Variants in MATR3 observed in about 807,000 individuals in gnomAD.
The protein encoded by MATR3 is matrin 3, also known as matrin-3.
MATR3 carries 4 observed loss-of-function variants against 85.5 expected under a neutral mutation model. The observed-to-expected ratio is 0.05, with a 90% confidence interval of 0.02 to 0.11. The LOEUF (loss-of-function observed/expected upper bound fraction) is 0.11. Among genes scored for constraint, MATR3 ranks in the 10% least tolerant of loss-of-function variants. The pLI, the probability that MATR3 is intolerant of heterozygous loss-of-function variation, is 1.00. For synonymous variants in MATR3, 336 were observed against 343.1 expected (o/e 0.98, Z 0.23); for missense variants, 685 against 1,016.1 (o/e 0.67, Z 4.43).
intron 4 of MATR3, 102 bp from the exon 5 acceptor site, chr5:139,315,974 A>C: frequency 3.3e-6 from 3 of 908,558 alleles, no homozygotes. Flanking sequence ...TGAAAGATTG[A>C]AGTGGTTGTG....
chr5:139,316,338 T>G lies in MATR3; in HGVS notation c.1129+150T>G, dbSNP rs184248426. The G allele has an allele frequency of 7.5e-5, 49 of 654,938 alleles. No homozygotes were observed. The African/African-American group carries it at 8.7e-4, about 12-fold the overall frequency. The allele number at this position is 654,938 out of a possible 1,614,324, so 40.6% of individuals were successfully genotyped here. A position where few individuals can be genotyped will look rare whatever the true frequency, so the allele number is the denominator to read the frequency against. On this transcript the variant is annotated intron_variant, in intron 5 of 14. Coordinates refer to ENST00000394805, the MANE Select transcript of MATR3 (RefSeq NM_018834.6). Reference sequence around the variant, plus strand: ...TCGACTCACTGCAACCTCTGCCTCCTGGGTGCAAGCAGTTCTCCTGCTTCA... The same window carrying G: ...TCGACTCACTGCAACCTCTGCCTCCGGGGTGCAAGCAGTTCTCCTGCTTCA...
At chr5:139,291,008 T>C (rs934819850), upstream of MATR3, among the ~76,000 whole-genome samples, 3 of 152,164 alleles carry the variant, frequency 2.0e-5, no homozygotes, top group Admixed American at 6.5e-5. Context: ...TTAATGTCTA[T>C]GCACAGGAGG....
chr5:139,316,954 C>T (rs996234405), intron 5 of MATR3, 99 bp from the exon 6 acceptor site: 46 of 892,982 alleles, frequency 5.2e-5, no homozygotes, highest in Non-Finnish European at 7.9e-5. Context: ...TTTGTAAGAG[C>T]TTTTCATTTG....
At chr5:139,291,727 C>T (rs1409082725), upstream of MATR3, among the ~76,000 whole-genome samples, 2 of 151,962 alleles carry the variant, frequency 1.3e-5, no homozygotes, top group African/African-American at 4.8e-5. Flanking sequence ...CGAGTAGAGA[C>T]GGGGTTTCTC....
At chr5:139,324,850 A>G (rs1055785872) in intron 12 of MATR3, among the ~76,000 whole-genome samples, 14 of 152,090 alleles carry the variant, frequency 9.2e-5, no homozygotes, top group African/African-American at 3.1e-4. Context: ...AATTATCAGT[A>G]ATTTTTTGGA....
chr5:139,299,735 A>G (rs201091790), intron 1 of MATR3: 1 of 152,206 alleles, frequency 6.6e-6, no homozygotes, highest in East Asian at 1.9e-4. Context: ...AGAGTGTGAA[A>G]TGAGTGATGT....
At chr5:139,329,012 A>G (rs1755996714) in intron 14 of MATR3, among the ~76,000 whole-genome samples, 1 of 152,176 alleles carries the variant, frequency 6.6e-6, no homozygotes, top group Non-Finnish European at 1.5e-5. Context: ...CTCAAAAAAA[A>G]AAGAATAAAA....
At chr5:139,318,771 A>G (rs1485863514) in intron 7 of MATR3, 137 bp from the exon 8 acceptor site, 10 of 835,426 alleles carry the variant, frequency 1.2e-5, no homozygotes, top group Non-Finnish European at 1.7e-5. Flanking sequence ...TTGATTCTTG[A>G]AAGTATTTTC....
chr5:139,319,239 A>G (rs902627470), intron 8 of MATR3, 95 bp from the exon 9 acceptor site: 6 of 1,401,274 alleles, frequency 4.3e-6, no homozygotes, highest in African/African-American at 4.3e-5. Flanking sequence ...CCTCGTCTCT[A>G]TAAAAATAAA....
In MATR3 at chr5:139,330,304, T is replaced by C; in HGVS notation, c.*909T>C. The C allele has an allele frequency of 2.2e-6, 1 of 453,766 alleles. No homozygotes were observed. Among genetic ancestry groups the C allele is most frequent in the Non-Finnish European group, 4.4e-6 (1 of 226,454 alleles). The allele number at this position is 453,766 out of a possible 1,614,324, so 28.1% of individuals were successfully genotyped here. A position where few individuals can be genotyped will look rare whatever the true frequency, so the allele number is the denominator to read the frequency against. ...TGACCTTTGTGAACAGAAATTTGCA[T>C]GTATAATTTGTGTTTACTTGTAACT... On this transcript the variant is annotated 3_prime_UTR_variant, in exon 15 of 15. Coordinates refer to ENST00000394805, the MANE Select transcript of MATR3 (RefSeq NM_018834.6).
At chr5:139,314,471 T>C (rs1755147649) in intron 2 of MATR3, 1 of 527,904 alleles carries the variant, frequency 1.9e-6, no homozygotes. Flanking sequence ...TTTCCAAGAA[T>C]GTGCATAGCG....
chr5:139,297,016 AC>A (rs1344383004), intron 1 of MATR3, among the ~76,000 whole-genome samples: 1 of 152,196 alleles, frequency 6.6e-6, no homozygotes, highest in Non-Finnish European at 1.5e-5. Flanking sequence ...ACTAAAAATT[AC>A]AAAAATTAGC....
Position 139,307,399 on chromosome 5 carries a change from C to G in MATR3, c.-17C>G. 1 of 1,608,954 alleles carries G rather than the reference C, an allele frequency of 6.2e-7. No homozygotes were observed. The highest frequency in any genetic ancestry group is 8.5e-7 in the Non-Finnish European group (1 of 1,177,544). On this transcript the variant is annotated 5_prime_UTR_variant, in exon 2 of 15. Coordinates refer to ENST00000394805, the MANE Select transcript of MATR3 (RefSeq NM_018834.6). The surrounding 1 kb of genome is among the most constrained non-coding windows in gnomAD (Gnocchi z 4.4). ...TTTTTTTTTTAATCTATAAAATAGA[C>G]AAGAGCTAGTTCTACAATGTCCAAG...
chr5:139,291,720 G>A (rs1753876023), upstream of MATR3, among the ~76,000 whole-genome samples: 1 of 152,076 alleles, frequency 6.6e-6, no homozygotes, highest in African/African-American at 2.4e-5. Flanking sequence ...TGTATTTCGA[G>A]TAGAGACGGG....
rs572540258 is a variant in MATR3 at position 139,301,342 on chromosome 5, CAG to C, written c.-177-5894_-177-5893del. 6.0e-3 allele frequency among the ~76,000 whole-genome samples: 909 copies of C among 151,668 alleles called. 12 individuals are homozygous for C. The highest frequency in any genetic ancestry group is 0.018 in the African/African-American group (728 of 41,330). ...TGGAGCCTTTTTTCTTTATTTGAGA[CAG>C]AGTCTCACTCTGTCACCCAGGCTGG... On this transcript the variant is annotated intron_variant, in intron 1 of 14. Transcript: ENST00000394805.
intron 1 of MATR3, among the ~76,000 whole-genome samples, chr5:139,298,109 C>T (rs552697086): frequency 6.6e-6 from 1 of 152,302 alleles, no homozygotes; most frequent in South Asian, 2.1e-4. Flanking sequence ...GCATAACTTT[C>T]AGATCTTTTA....
intron 8 of MATR3, 73 bp downstream of exon 8, chr5:139,319,106 C>T: frequency 6.6e-7 from 1 of 1,508,324 alleles, no homozygotes; most frequent in Non-Finnish European, 9.2e-7. Flanking sequence ...GTGGTTATTT[C>T]AAATTATTGC....
intron 1 of MATR3, among the ~76,000 whole-genome samples, chr5:139,299,338 T>C (rs912783650): frequency 3.9e-5 from 6 of 151,992 alleles, no homozygotes; most frequent in African/African-American, 1.5e-4. Flanking sequence ...GGGGAAAAGG[T>C]TTAGAGAAGT....
In MATR3 at chr5:139,319,003, T is replaced by C. The variant is rs1429293984; in HGVS notation, c.1404T>C (p.Val468=). ...PALVFGKPVR[V]HLSQKYKRIK... ...TAGTATTTGGCAAGCCAGTGAGAGT[T>C]CATTTATCCCAGAAGTATAAAAGAA... Residue 468 remains valine, a synonymous_variant, in exon 8 of 15, where the codon GTT becomes GTC. Transcript: ENST00000394805. The C allele has an allele frequency of 3.7e-6, 6 of 1,613,846 alleles. No individual in the cohort carries two copies. The Admixed American group carries it at 8.3e-5, about 22-fold the overall frequency.
Sources: allele counts gnomAD v4.1 joint callset (sites outside exome capture counted in the v4.1 genomes callset), GRCh38; gene constraint gnomAD v4.1.1; non-coding constraint Gnocchi (gnomAD v3.1); transcripts MANE v1.5; gene names NCBI Gene and HGNC (gene_info 2026-07-23, HGNC 2026-07-21).